Variants in ANKS1B observed in about 807,000 individuals in gnomAD.
ANKS1B encodes the protein ankyrin repeat and sterile alpha motif domain-containing protein 1B.
Under a neutral mutation model 148.3 loss-of-function variants are expected in ANKS1B, and 36 were observed. That is an observed-to-expected ratio of 0.24 (90% CI 0.19 to 0.32). The LOEUF (loss-of-function observed/expected upper bound fraction) is 0.32, where lower values mean the gene tolerates loss of function less well. Among genes scored for constraint, ANKS1B ranks in the 10% least tolerant of loss-of-function variants. The probability of loss-of-function intolerance (pLI) is 1.00; values close to 1 mark genes in which losing one functional copy is unlikely to be tolerated. For synonymous variants in ANKS1B, 542 were observed against 560.8 expected, an observed-to-expected ratio of 0.97 and a Z score of 0.47; for missense variants, 1,157 against 1,542.6, an observed-to-expected ratio of 0.75 and a Z score of 4.19.
intron 9 of ANKS1B, among the ~76,000 whole-genome samples, chr12:99,536,698 T>C (rs1279132918): frequency 6.6e-6 from 1 of 152,190 alleles, no homozygotes; most frequent in Non-Finnish European, 1.5e-5. Flanking sequence ...GCATGCAATA[T>C]GAAATAAGCA....
chr12:98,741,858 C>A (rs1314639450), downstream of ANKS1B, among the ~76,000 whole-genome samples: 1 of 152,174 alleles, frequency 6.6e-6, no homozygotes, highest in African/African-American at 2.4e-5. Context: ...TTTGACTTCC[C>A]ACGTGTCTTA....
intron 17 of ANKS1B, among the ~76,000 whole-genome samples, chr12:98,905,590 C>T (rs1348786539): frequency 2.0e-5 from 3 of 151,938 alleles, no homozygotes; most frequent in South Asian, 4.2e-4. Context: ...GACAACATAG[C>T]GAGACCCCAT....
chr12:99,541,630 G>A (rs1212628712), intron 9 of ANKS1B, among the ~76,000 whole-genome samples: 1 of 152,062 alleles, frequency 6.6e-6, no homozygotes, highest in Non-Finnish European at 1.5e-5. Context: ...GGAGGTGAGT[G>A]AATCACCTGA....
chr12:99,186,480 A>C (rs1601513977), intron 14 of ANKS1B, among the ~76,000 whole-genome samples: 1 of 152,264 alleles, frequency 6.6e-6, no homozygotes, highest in Middle Eastern at 3.4e-3. Context: ...GACACCTCAC[A>C]CAGGAGAGCT....
At chr12:99,390,713 TG>T in intron 12 of ANKS1B, among the ~76,000 whole-genome samples, 1 of 152,334 alleles carries the variant, frequency 6.6e-6, no homozygotes, top group East Asian at 1.9e-4. Flanking sequence ...AGCAAGATTT[TG>T]GGGATAAATC....
intron 17 of ANKS1B, among the ~76,000 whole-genome samples, chr12:98,859,246 ATATGT>A (rs1266956921): frequency 2.6e-5 from 4 of 152,220 alleles, no homozygotes; most frequent in Admixed American, 6.5e-5. Context: ...GAGCATTCAC[ATATGT>A]GATGGTATCA....
At chr12:99,948,712 A>T (rs1444513191) in intron 1 of ANKS1B, among the ~76,000 whole-genome samples, 1 of 152,214 alleles carries the variant, frequency 6.6e-6, no homozygotes, top group Non-Finnish European at 1.5e-5. Flanking sequence ...TTTGCAATGT[A>T]GGAGAAAACA....
intron 9 of ANKS1B, among the ~76,000 whole-genome samples, chr12:99,559,456 T>C (rs1490434734): frequency 6.6e-6 from 1 of 152,228 alleles, no homozygotes; most frequent in Non-Finnish European, 1.5e-5. Context: ...CAAGTATTTA[T>C]GTACTTGACA....
chr12:98,855,127 C>A (rs1048421694), intron 17 of ANKS1B, among the ~76,000 whole-genome samples: 1 of 150,892 alleles, frequency 6.6e-6, no homozygotes, highest in African/African-American at 2.5e-5. Context: ...CCACTGCAGT[C>A]CGCAGTCCGA....
intron 1 of ANKS1B, among the ~76,000 whole-genome samples, chr12:99,841,689 T>A (rs2085771285): frequency 6.6e-6 from 1 of 152,116 alleles, no homozygotes; most frequent in African/African-American, 2.4e-5. Context: ...CTTACTAATA[T>A]AGTCGACTTT....
rs185114844 is a variant in ANKS1B, at chr12:99,106,046, G to C, written c.2527-21023C>G. On this transcript the variant is annotated intron_variant, in intron 15 of 26. Coordinates refer to ENST00000683438, the MANE Select transcript of ANKS1B (RefSeq NM_001352186.2). ...AATACATATCCCTTAGACAGTCTGT[G>C]ACATGGAGTGAAAAACCCTCCCTGA... is the stretch of plus-strand genomic sequence containing the variant. Among the ~76,000 whole-genome samples, 207 of 152,252 alleles carry C rather than the reference G, an allele frequency of 1.4e-3. 1 individual carries two copies. Among genetic ancestry groups the C allele is most frequent in the Non-Finnish European group, 2.3e-3 (158 of 68,014 alleles).
At chr12:99,879,093 T>C (rs529285517) in intron 1 of ANKS1B, among the ~76,000 whole-genome samples, 84 of 152,236 alleles carry the variant, frequency 5.5e-4, no homozygotes, top group African/African-American at 2.0e-3. Flanking sequence ...GGCCAAAGCT[T>C]AATGAGTAGT....
intron 8 of ANKS1B, among the ~76,000 whole-genome samples, chr12:99,768,815 C>A (rs545565924): frequency 7.4e-5 from 10 of 134,612 alleles, no homozygotes; most frequent in Admixed American, 3.2e-4. Context: ...CAGAGCACGA[C>A]TCCGTCTCAG....
At chr12:99,964,065 A>T (rs2095453567) in intron 1 of ANKS1B, among the ~76,000 whole-genome samples, 1 of 152,200 alleles carries the variant, frequency 6.6e-6, no homozygotes, top group South Asian at 2.1e-4. Context: ...GCAAAAAAAT[A>T]TATAAAGATT....
Position 99,649,352 on chromosome 12 carries a change from C to T in ANKS1B, c.1272+5715G>A, listed in dbSNP as rs747458554. ...AGAATCAGTAGACTTCACATGAATG[C>T]TGAAATGTTTGGGTCCACCTATTGT... On this transcript the variant is annotated intron_variant, in intron 9 of 26. Coordinates refer to ENST00000683438, the MANE Select transcript of ANKS1B (RefSeq NM_001352186.2). 4.3e-6 allele frequency: 7 copies of T among 1,613,998 alleles called. No individual in the cohort carries two copies. In the Admixed American group the frequency reaches 1.2e-4, roughly 27 times the overall value.
intron 25 of ANKS1B, among the ~76,000 whole-genome samples, chr12:98,758,831 A>G (rs773976550): frequency 6.6e-4 from 84 of 126,610 alleles, no homozygotes; most frequent in Non-Finnish European, 1.2e-4. Flanking sequence ...CCTAGGCTGG[A>G]GTGCAGTGGT....
chr12:99,196,894 T>C (rs904941964), intron 14 of ANKS1B, among the ~76,000 whole-genome samples: 2 of 152,120 alleles, frequency 1.3e-5, no homozygotes, highest in African/African-American at 2.4e-5. Flanking sequence ...CTTAGGTAGT[T>C]GTATCTCATA....
intron 16 of ANKS1B, among the ~76,000 whole-genome samples, chr12:99,080,453 T>C (rs1286884889): frequency 6.6e-6 from 1 of 152,128 alleles, no homozygotes; most frequent in Non-Finnish European, 1.5e-5. Flanking sequence ...CAAAAGGTAT[T>C]ATAAAACTGG....
At chr12:98,826,908 T>C (rs534555259) in intron 19 of ANKS1B, among the ~76,000 whole-genome samples, 31 of 152,256 alleles carry the variant, frequency 2.0e-4, no homozygotes. Flanking sequence ...TCTAGAGAGA[T>C]ATGACAGGTT....
Sources: allele counts gnomAD v4.1 joint callset (sites outside exome capture counted in the v4.1 genomes callset), GRCh38; gene constraint gnomAD v4.1.1; transcripts MANE v1.5; gene names NCBI Gene and HGNC (gene_info 2026-07-23, HGNC 2026-07-21).